The following RASGEF1C variants were observed in gnomAD, a reference collection of about 807,000 sequenced individuals.
The protein encoded by RASGEF1C is ras-GEF domain-containing family member 1C.
RASGEF1C carries 27 observed loss-of-function variants against 58.1 expected under a neutral mutation model. That is an observed-to-expected ratio of 0.46 (90% CI 0.34 to 0.64). The LOEUF is 0.64. Ranked by LOEUF, RASGEF1C falls within the 30% of genes least tolerant of loss-of-function variation. The pLI is 0.01. For synonymous variants in RASGEF1C, 243 were observed against 246.3 expected, an observed-to-expected ratio of 0.99 and a Z score of 0.13; for missense variants, 502 against 605.1, an observed-to-expected ratio of 0.83 and a Z score of 1.79.
At chr5:180,176,921 C>T (rs952396596) in intron 1 of RASGEF1C, among the ~76,000 whole-genome samples, 4 of 152,162 alleles carry the variant, frequency 2.6e-5, no homozygotes, top group African/African-American at 7.2e-5. Flanking sequence ...ATGACTGCTG[C>T]GTGGTGCCAG....
At chr5:180,125,119 C>T (rs1370897095) in intron 6 of RASGEF1C, among the ~76,000 whole-genome samples, 5 of 152,030 alleles carry the variant, frequency 3.3e-5, no homozygotes, top group African/African-American at 1.2e-4. Flanking sequence ...GGAAAAAGAG[C>T]AAGACTCTGT....
rs373180824 is a variant in RASGEF1C at position 180,103,279 on chromosome 5, G to A, written c.1304-1136C>T. 4.9e-3 allele frequency among the ~76,000 whole-genome samples: 748 copies of A among 152,202 alleles called. 9 individuals carry two copies. Among genetic ancestry groups the A allele is most frequent in the Admixed American group, 7.1e-3 (109 of 15,294 alleles). On this transcript the variant is annotated intron_variant, in intron 12 of 13. Coordinates refer to ENST00000361132, the MANE Select transcript of RASGEF1C (RefSeq NM_175062.4). ...TTTTTAGTAGAGATGGGGTTTCACC[G>A]TGTTAGCCAGGATGGTCTCGATCTC...
chr5:180,166,238 GA>G (rs1767019414), intron 1 of RASGEF1C, among the ~76,000 whole-genome samples: 1 of 152,072 alleles, frequency 6.6e-6, no homozygotes, highest in African/African-American at 2.4e-5. Flanking sequence ...TGCATACATT[GA>G]AAATGCCATC....
chr5:180,111,601 C>T, intron 11 of RASGEF1C, 21 bp from the exon 12 acceptor site: 1 of 1,614,024 alleles, frequency 6.2e-7, no homozygotes, highest in South Asian at 1.1e-5. Flanking sequence ...CACAGAGACA[C>T]AGAATGGAGG....
At chr5:180,170,527 G>A (rs1035254134) in intron 1 of RASGEF1C, among the ~76,000 whole-genome samples, 277 of 152,284 alleles carry the variant, frequency 1.8e-3, no homozygotes, top group African/African-American at 6.0e-3. Context: ...CCCGCGCTAC[G>A]CAGCTGCTGC....
intron 11 of RASGEF1C, among the ~76,000 whole-genome samples, chr5:180,113,258 C>T (rs547258527): frequency 3.5e-4 from 23 of 65,890 alleles, no homozygotes; most frequent in South Asian, 1.3e-3. Context: ...CGAGGATGGA[C>T]GGAGGGACCG....
At chr5:180,149,127 C>T (rs1766707725) in intron 1 of RASGEF1C, among the ~76,000 whole-genome samples, 1 of 134,006 alleles carries the variant, frequency 7.5e-6, no homozygotes, top group African/African-American at 3.0e-5. Context: ...CTTGCTCTGT[C>T]ACCAGGCTGG....
chr5:180,176,618 G>A (rs1224783856), intron 1 of RASGEF1C, among the ~76,000 whole-genome samples: 4 of 150,754 alleles, frequency 2.7e-5, no homozygotes, highest in African/African-American at 9.8e-5. Context: ...GTGCAGTGGC[G>A]CAATCTCGGC....
intron 1 of RASGEF1C, among the ~76,000 whole-genome samples, chr5:180,151,983 G>A (rs1241532951): frequency 6.7e-6 from 1 of 150,048 alleles, no homozygotes. Context: ...CATCATCACT[G>A]GCTATCAGAG....
At chr5:180,193,554 G>T (rs1426409438) in intron 1 of RASGEF1C, among the ~76,000 whole-genome samples, 1 of 151,986 alleles carries the variant, frequency 6.6e-6, no homozygotes, top group Non-Finnish European at 1.5e-5. Flanking sequence ...GGACTCAACA[G>T]GACAAGTGTT....
chr5:180,196,727 T>A (rs866838474), intron 1 of RASGEF1C, among the ~76,000 whole-genome samples: 3 of 152,280 alleles, frequency 2.0e-5, no homozygotes, highest in South Asian at 4.1e-4. Context: ...CTGATGTTGA[T>A]CATTTGTGCT....
Position 180,209,203 on chromosome 5 carries a change from G to C in RASGEF1C, c.-182C>G, listed in dbSNP as rs1003516840. On this transcript the variant is annotated 5_prime_UTR_variant, in exon 1 of 14. Transcript: ENST00000361132. ...GCACGAGCGCCTGGCGGCGGCCCCG[G>C]AGCAACGCGGCGCTGCGCCCCCTCG... The C allele has an allele frequency of 6.8e-6, 1 of 147,218 alleles. No homozygotes were observed. The highest frequency in any genetic ancestry group is 2.4e-5 in the African/African-American group (1 of 40,878). 9.1% of individuals were successfully genotyped at this position (147,218 alleles called of 1,614,324 possible).
intron 3 of RASGEF1C, chr5:180,136,922 G>T (rs1766489583): frequency 5.0e-6 from 1 of 199,628 alleles, no homozygotes; most frequent in Non-Finnish European, 1.0e-5. Flanking sequence ...CCAATGAGGA[G>T]ACTCACTGGG....
intron 1 of RASGEF1C, among the ~76,000 whole-genome samples, chr5:180,148,505 T>A (rs1766693352): frequency 6.6e-6 from 1 of 152,156 alleles, no homozygotes; most frequent in South Asian, 2.1e-4. Flanking sequence ...ATCCTATAGC[T>A]ACTTTCTTTG....
chr5:180,138,567 G>A (rs548512834), intron 1 of RASGEF1C, among the ~76,000 whole-genome samples: 5 of 152,312 alleles, frequency 3.3e-5, no homozygotes, highest in Admixed American at 6.5e-5. Context: ...ATTGTGGCAG[G>A]AAAGTGGGCA....
intron 1 of RASGEF1C, among the ~76,000 whole-genome samples, chr5:180,203,543 C>T (rs569462570): frequency 6.6e-6 from 1 of 152,368 alleles, no homozygotes; most frequent in Non-Finnish European, 1.5e-5. Context: ...TGAGTCTCTA[C>T]ATGAGAACCT....
chr5:180,164,452 T>C (rs1330366990), intron 1 of RASGEF1C, among the ~76,000 whole-genome samples: 1 of 152,214 alleles, frequency 6.6e-6, no homozygotes, highest in East Asian at 1.9e-4. Flanking sequence ...ATTACTCATT[T>C]AAGCATTGTT....
At chr5:180,174,618 C>CACGCA (rs1767191045) in intron 1 of RASGEF1C, among the ~76,000 whole-genome samples, 4 of 12,678 alleles carry the variant, frequency 3.2e-4, no homozygotes, top group Admixed American at 1.3e-3. Context: ...ATGTGTGTGT[C>CACGCA]TGTGTGTGTG....
intron 1 of RASGEF1C, among the ~76,000 whole-genome samples, chr5:180,139,495 GC>G (rs1766541091): frequency 6.6e-6 from 1 of 152,232 alleles, no homozygotes; most frequent in Non-Finnish European, 1.5e-5. Context: ...CCCTCAGAGG[GC>G]TGTCCCGTGG....
Sources: allele counts gnomAD v4.1 joint callset (sites outside exome capture counted in the v4.1 genomes callset), GRCh38; gene constraint gnomAD v4.1.1; transcripts MANE v1.5; gene names NCBI Gene and HGNC (gene_info 2026-07-23, HGNC 2026-07-21).